The following WWOX variants were observed in gnomAD, a reference collection of about 807,000 sequenced individuals.
WWOX encodes WW domain containing oxidoreductase.
WWOX carries 69 observed loss-of-function variants against 46.2 expected under a neutral mutation model. The observed-to-expected ratio is 1.49, with a 90% CI of 1.23 to 1.82. The LOEUF (loss-of-function observed/expected upper bound fraction) is 1.82. WWOX is among the 40% of genes most tolerant of loss of function. The pLI, the probability that WWOX is intolerant of heterozygous loss-of-function variation, is 0.00. For synonymous variants in WWOX, 359 were observed against 202.6 expected, an observed-to-expected ratio of 1.77 and a Z score of -6.56; for missense variants, 919 against 542.6, an observed-to-expected ratio of 1.69 and a Z score of -6.89.
intron 4 of WWOX, among the ~76,000 whole-genome samples, chr16:78,127,953 T>G (rs1324070670): frequency 1.3e-5 from 2 of 152,162 alleles, no homozygotes; most frequent in African/African-American, 2.4e-5. Context: ...GTTTGTAAAT[T>G]CAAGAGAATA....
At chr16:78,689,850 G>C (rs942096037) in intron 8 of WWOX, among the ~76,000 whole-genome samples, 1 of 151,868 alleles carries the variant, frequency 6.6e-6, no homozygotes, top group South Asian at 2.1e-4. Flanking sequence ...AGGTAACTTT[G>C]TTTTTTGTTT....
At chr16:78,957,194 A>C (rs2046184563) in intron 8 of WWOX, among the ~76,000 whole-genome samples, 1 of 152,186 alleles carries the variant, frequency 6.6e-6, no homozygotes, top group Non-Finnish European at 1.5e-5. Flanking sequence ...ATTTACTGAA[A>C]TGCAGGGCAC....
intron 8 of WWOX, among the ~76,000 whole-genome samples, chr16:78,504,299 A>G (rs149535607): frequency 1.8e-3 from 269 of 152,348 alleles, no homozygotes; most frequent in African/African-American, 6.0e-3. Flanking sequence ...AGGTTTAAAA[A>G]CAGTAAACTA....
chr16:79,081,743 G>T (rs2048764106), intron 8 of WWOX, among the ~76,000 whole-genome samples: 1 of 152,092 alleles, frequency 6.6e-6, no homozygotes, highest in Non-Finnish European at 1.5e-5. Flanking sequence ...TGTGAACCAT[G>T]GCTTGCGGGG....
Position 79,211,577 on chromosome 16 carries a change from T to G in WWOX, c.1057-31T>G, listed in dbSNP as rs757386361. ...CATCTCATCACTCCTTTTCTTAAAA[T>G]TTTTTTTTGTCTTTCTTCTTGGATT... On this transcript the variant is annotated intron_variant, in intron 8 of 8. Transcript: ENST00000566780. 6.4e-6 allele frequency: 10 copies of G among 1,571,836 alleles called. No homozygotes were observed. The South Asian group carries it at 7.9e-5, about 12-fold the overall frequency.
intron 8 of WWOX, among the ~76,000 whole-genome samples, chr16:78,745,706 A>C (rs1597536078): frequency 7.1e-6 from 1 of 140,752 alleles, no homozygotes. Flanking sequence ...TCACTGCCAC[A>C]CCCCCTCATA....
chr16:78,930,895 G>C (rs550572215), intron 8 of WWOX, among the ~76,000 whole-genome samples: 1 of 152,112 alleles, frequency 6.6e-6, no homozygotes, highest in Non-Finnish European at 1.5e-5. Flanking sequence ...CATGGGCTTT[G>C]TGGTCAATTA....
intron 8 of WWOX, chr16:78,552,514 A>C (rs561690106): frequency 1.3e-5 from 2 of 152,158 alleles, no homozygotes; most frequent in Non-Finnish European, 2.9e-5. Flanking sequence ...TGAGTGAGGG[A>C]GCGATGAGTA....
At chr16:78,975,343 G>C (rs1438847490) in intron 8 of WWOX, among the ~76,000 whole-genome samples, 1 of 152,052 alleles carries the variant, frequency 6.6e-6, no homozygotes, top group Non-Finnish European at 1.5e-5. Context: ...TAGAGGCCGG[G>C]GATAGTGGTT....
At chr16:78,975,510 A>C (rs183752314) in intron 8 of WWOX, among the ~76,000 whole-genome samples, 5 of 150,898 alleles carry the variant, frequency 3.3e-5, no homozygotes, top group Admixed American at 2.0e-4. Context: ...TTGAGATACG[A>C]CTTTCCTAAT....
At chr16:78,254,256 G>A (rs1195135479) in intron 5 of WWOX, among the ~76,000 whole-genome samples, 1 of 151,616 alleles carries the variant, frequency 6.6e-6, no homozygotes, top group Non-Finnish European at 1.5e-5. Flanking sequence ...TGTAGAGATT[G>A]GTGGCAGGGT....
chr16:78,847,049 G>A (rs141383658), intron 8 of WWOX, among the ~76,000 whole-genome samples: 36 of 152,320 alleles, frequency 2.4e-4, no homozygotes, highest in South Asian at 1.7e-3. Context: ...GACATGCCCC[G>A]TTCTTTTTTG....
At chr16:79,027,500 C>T (rs1017084397) in intron 8 of WWOX, among the ~76,000 whole-genome samples, 3 of 151,792 alleles carry the variant, frequency 2.0e-5, no homozygotes, top group South Asian at 2.1e-4. Context: ...GAACTAATGA[C>T]TTCTGCCTGC....
At chr16:78,863,682 C>T (rs2043941865) in intron 8 of WWOX, among the ~76,000 whole-genome samples, 1 of 152,166 alleles carries the variant, frequency 6.6e-6, no homozygotes, top group Non-Finnish European at 1.5e-5. Context: ...TCGCACACAG[C>T]AAGTGCTCAG....
intron 8 of WWOX, among the ~76,000 whole-genome samples, chr16:78,931,715 C>G (rs1037448686): frequency 1.3e-5 from 2 of 152,334 alleles, no homozygotes; most frequent in East Asian, 1.9e-4. Context: ...TCCAACTGTT[C>G]ACAGAGGACA....
chr16:78,911,046 C>G (rs541804636), intron 8 of WWOX, among the ~76,000 whole-genome samples: 1 of 151,384 alleles, frequency 6.6e-6, no homozygotes, highest in Admixed American at 6.6e-5. Context: ...TTTCCCACAG[C>G]CTGTCGACTT....
intron 8 of WWOX, among the ~76,000 whole-genome samples, chr16:78,722,606 G>A (rs900311702): frequency 6.6e-6 from 1 of 151,842 alleles, no homozygotes; most frequent in African/African-American, 2.4e-5. Context: ...GACTATGTGA[G>A]CTTATCCCCT....
chr16:79,092,504 C>A (rs577147867), intron 8 of WWOX, among the ~76,000 whole-genome samples: 58 of 152,276 alleles, frequency 3.8e-4, no homozygotes, highest in South Asian at 6.2e-4. Context: ...TTCCAGGAGC[C>A]CAGCTCTTTC....
intron 8 of WWOX, among the ~76,000 whole-genome samples, chr16:78,712,013 A>C (rs776920984): frequency 1.3e-5 from 2 of 152,242 alleles, no homozygotes; most frequent in Middle Eastern, 3.4e-3. Context: ...AGAAGCCCCA[A>C]CGTCCTCCCA....
Sources: allele counts gnomAD v4.1 joint callset (sites outside exome capture counted in the v4.1 genomes callset), GRCh38; gene constraint gnomAD v4.1.1; transcripts MANE v1.5; gene names NCBI Gene and HGNC (gene_info 2026-07-23, HGNC 2026-07-21).